The following CFAP43 variants were observed in gnomAD, a reference collection of about 807,000 sequenced individuals.
CFAP43 encodes the protein cilia- and flagella-associated protein 43.
In CFAP43, 155 loss-of-function variants were observed where a neutral mutation model predicts 218.9. The observed-to-expected ratio is 0.71, with a 90% CI of 0.62 to 0.81. The LOEUF (loss-of-function observed/expected upper bound fraction) is 0.81. Ranked by LOEUF, CFAP43 falls within the 30% of genes least tolerant of loss-of-function variation. The pLI, the probability that CFAP43 is intolerant of heterozygous loss-of-function variation, is 0.00. For missense variants in CFAP43, 1,778 were observed against 1,954.3 expected, an observed-to-expected ratio of 0.91 and a Z score of 1.70; for synonymous variants, 645 against 681.3, an observed-to-expected ratio of 0.95 and a Z score of 0.83.
intron 29 of CFAP43, 136 bp downstream of exon 29, chr10:104,147,755 G>A (rs971986842): frequency 2.1e-6 from 1 of 466,166 alleles, no homozygotes; most frequent in African/African-American, 2.0e-5. Flanking sequence ...TTCCAGACAG[G>A]GAGCCAAGGG....
chr10:104,180,859 G>A (rs2089815324), intron 17 of CFAP43, among the ~76,000 whole-genome samples: 1 of 152,010 alleles, frequency 6.6e-6, no homozygotes, highest in Non-Finnish European at 1.5e-5. Flanking sequence ...CCTCCTCAGG[G>A]TCCTCTGCAT....
At position 104,186,085 on chromosome 10, in the gene CFAP43, T is replaced by A. The variant is rs775584181; in HGVS notation, c.1899A>T (p.Lys633Asn). Residue 633 changes from lysine to asparagine, a missense_variant, in exon 15 of 38, where the codon AAA becomes AAT. Transcript: ENST00000357060. Reference protein sequence around the residue: ...TGIYILKPYKKVQSRQYGPGL... With the variant: ...TGIYILKPYKNVQSRQYGPGL... Reference sequence around the variant, plus strand: ...CAGGTCCATACTGTCTGCTTTGTACTTTTTTGTATGGTTTAAGAATGTAGA... The same window carrying A: ...CAGGTCCATACTGTCTGCTTTGTACATTTTTGTATGGTTTAAGAATGTAGA... The A allele has an allele frequency of 7.0e-6, 11 of 1,567,216 alleles. No individual in the cohort carries two copies. The highest frequency in any genetic ancestry group is 9.5e-6 in the Non-Finnish European group (11 of 1,163,240).
chr10:104,133,828 T>C (rs1413821258), intron 34 of CFAP43, 44 bp from the exon 35 acceptor site: 4 of 1,477,438 alleles, frequency 2.7e-6, no homozygotes, highest in Non-Finnish European at 3.7e-6. Flanking sequence ...TGATTCTGCA[T>C]ATAGAACATA....
chr10:104,167,703 G>A lies in CFAP43; in HGVS notation c.2726C>T (p.Pro909Leu), dbSNP rs143784992. ...FHIPCVVENFPMKARTVEELK... is the reference protein window; with the variant it reads ...FHIPCVVENFLMKARTVEELK... Reference sequence around the variant, plus strand: ...CTCTTCAACCGTGCGCGCTTTCATCGGGAAGTTTTCAACCACACAGGGGAT... The same window carrying A: ...CTCTTCAACCGTGCGCGCTTTCATCAGGAAGTTTTCAACCACACAGGGGAT... Residue 909 changes from proline (P) to leucine (L), a missense_variant, in exon 22 of 38, where the codon CCG becomes CTG. By Grantham distance (98) the Pro-to-Leu change is moderately conservative (BLOSUM62 -3). Around this residue, in one of 3 missense-constraint regions of CFAP43, gnomAD observed 1,553 missense variants for 1,685.2 expected, o/e 0.92. Coordinates refer to ENST00000357060, the MANE Select transcript of CFAP43 (RefSeq NM_025145.7). 2.0e-4 allele frequency: 327 copies of A among 1,609,908 alleles called. 4 individuals carry two copies. The South Asian group carries it at 3.0e-3, about 15-fold the overall frequency.
chr10:104,225,294 A>G (rs1203298537), intron 3 of CFAP43, among the ~76,000 whole-genome samples, 167 bp downstream of exon 3: 1 of 152,230 alleles, frequency 6.6e-6, no homozygotes. Context: ...TGACTGCCAA[A>G]TTTTATGCCT....
chr10:104,180,445 CTTTTTTTTT>C (rs34452460), intron 17 of CFAP43, among the ~76,000 whole-genome samples: 1 of 124,652 alleles, frequency 8.0e-6, no homozygotes, highest in African/African-American at 3.2e-5. Flanking sequence ...CACCCTATTT[CTTTTTTTTT>C]TTTTTTTTTG....
intron 12 of CFAP43, 56 bp downstream of exon 12, chr10:104,192,143 C>T: frequency 7.4e-7 from 1 of 1,342,884 alleles, no homozygotes; most frequent in Non-Finnish European, 1.0e-6. Flanking sequence ...ATTTTCATAA[C>T]CTTAAATTCT....
At chr10:104,143,771 G>A (rs1384828672) in intron 31 of CFAP43, 132 bp from the exon 32 acceptor site, 2 of 858,996 alleles carry the variant, frequency 2.3e-6, no homozygotes, top group Non-Finnish European at 3.6e-6. Context: ...GCTGGTAGGT[G>A]GGTTATTCCA....
chr10:104,207,163 ACT>A (rs1278009685), intron 6 of CFAP43, among the ~76,000 whole-genome samples: 1 of 145,528 alleles, frequency 6.9e-6, no homozygotes, highest in Admixed American at 7.0e-5. Flanking sequence ...ACAGAATGAG[ACT>A]CTGTCTAAAA....
At position 104,142,338 on chromosome 10, in the gene CFAP43, A is replaced by G. The variant is rs1443252683; in HGVS notation, c.4214T>C (p.Val1405Ala). ...CTGTTGCACCTTCTCTTCCTCCTCA[A>G]CTCTCTTCTGGAGGAAAGTTGCCAT... ...LEMATFLQKRVEEEEKVQQEI... is the reference protein window; with the variant it reads ...LEMATFLQKRAEEEEKVQQEI... The change falls in exon 33 of 38, where the codon GTT (valine) becomes GCT (alanine). Residue 1405 changes from valine to alanine, a missense_variant. Val to Ala is a moderately conservative substitution (Grantham distance 64, BLOSUM62 0). Coordinates refer to ENST00000357060, the MANE Select transcript of CFAP43 (RefSeq NM_025145.7). 10 of 1,613,088 alleles carry G rather than the reference A, an allele frequency of 6.2e-6. No homozygotes were observed. Among genetic ancestry groups the G allele is most frequent in the Non-Finnish European group, 8.5e-6 (10 of 1,179,590 alleles).
In CFAP43 at chr10:104,214,427, CT is replaced by C; in HGVS notation, c.417-2del. The C allele has an allele frequency of 6.4e-7, 1 of 1,561,334 alleles. No individual in the cohort carries two copies. Among genetic ancestry groups the C allele is most frequent in the Non-Finnish European group, 8.7e-7 (1 of 1,150,844 alleles). The stretch of plus-strand genomic sequence containing the variant: ...CAAAATGATACTCGATTCCCAGTTC[CT>C]TAGAGAAAAATAGCATTTGATGAAA... On this transcript the variant is annotated splice_acceptor_variant, in intron 3 of 37. Transcript: ENST00000357060. LOFTEE classifies it high-confidence loss of function.
chr10:104,164,294 T>C lies in CFAP43; in HGVS notation c.3046A>G (p.Ile1016Val). ...TTGAAAACAGTTTTTACCTTGTAAA[T>C]GATATCCTGAAATATTAACATGTTA... The part of the protein sequence containing the change: ...INQIILLKDI[I>V]YKVKTVFNNE... Residue 1016 changes from isoleucine to valine, a missense_variant, in exon 24 of 38, where the codon ATT becomes GTT. Physicochemically the swap from Ile to Val is conservative, Grantham distance 29. Coordinates refer to ENST00000357060, the MANE Select transcript of CFAP43 (RefSeq NM_025145.7). The C allele has an allele frequency of 7.6e-6, 12 of 1,585,304 alleles. No individual in the cohort carries two copies. Among genetic ancestry groups the C allele is most frequent in the Non-Finnish European group, 1.0e-5 (12 of 1,160,578 alleles).
chr10:104,185,440 A>G (rs1392455672), intron 15 of CFAP43, among the ~76,000 whole-genome samples: 1 of 152,136 alleles, frequency 6.6e-6, no homozygotes, highest in African/African-American at 2.4e-5. Flanking sequence ...AATGGATTGC[A>G]GAAGTCTATA....
chr10:104,146,046 A>G (rs934119063), intron 30 of CFAP43, among the ~76,000 whole-genome samples: 9 of 152,224 alleles, frequency 5.9e-5, no homozygotes, highest in African/African-American at 1.9e-4. Context: ...TGTATTTTGT[A>G]TAACAGAAAG....
chr10:104,191,796 G>C (rs1033167975), intron 12 of CFAP43, among the ~76,000 whole-genome samples: 14 of 147,574 alleles, frequency 9.5e-5, no homozygotes, highest in South Asian at 2.2e-4. Context: ...GTGTGGGGGG[G>C]GGGAAACACA....
chr10:104,217,040 T>C (rs954740744), intron 3 of CFAP43, among the ~76,000 whole-genome samples: 1 of 152,238 alleles, frequency 6.6e-6, no homozygotes, highest in Non-Finnish European at 1.5e-5. Flanking sequence ...TGGCTATCCA[T>C]TGACTTAATT....
chr10:104,145,465 G>A lies in CFAP43; in HGVS notation c.3944+11C>T, dbSNP rs773846376. 8.9e-6 allele frequency: 14 copies of A among 1,574,022 alleles called. No individual in the cohort carries two copies. Among genetic ancestry groups the A allele is most frequent in the Non-Finnish European group, 1.2e-5 (14 of 1,150,600 alleles). ...TTTTCTCAGAAACACAATAGTGAAG[G>A]AGAAACAAACCTTGGTCGGCGTTTA... On this transcript the variant is annotated intron_variant, in intron 31 of 37. Transcript: ENST00000357060.
At chr10:104,226,660 T>A (rs2135012355) in intron 2 of CFAP43, among the ~76,000 whole-genome samples, 1 of 152,192 alleles carries the variant, frequency 6.6e-6, no homozygotes, top group South Asian at 2.1e-4. Context: ...CTTGAAAAAA[T>A]ACATACATAT....
At position 104,129,978 on chromosome 10, in the gene CFAP43, A is replaced by G. The variant is rs375946042; in HGVS notation, c.*161T>C. On this transcript the variant is annotated 3_prime_UTR_variant, in exon 38 of 38. Coordinates refer to ENST00000357060, the MANE Select transcript of CFAP43 (RefSeq NM_025145.7). Reference sequence around the variant, plus strand: ...TTATTCATGCAGGACAAAAATTTGTATACAATTAAGGCTAAAATTAAACAA... The same window carrying G: ...TTATTCATGCAGGACAAAAATTTGTGTACAATTAAGGCTAAAATTAAACAA... The G allele has an allele frequency of 2.8e-5, 22 of 793,432 alleles. No homozygotes were observed. The highest frequency in any genetic ancestry group is 2.0e-4 in the South Asian group (8 of 39,694). 49.1% of individuals were successfully genotyped at this position (793,432 alleles called of 1,614,324 possible).
Sources: allele counts gnomAD v4.1 joint callset (sites outside exome capture counted in the v4.1 genomes callset), GRCh38; gene constraint gnomAD v4.1.1; regional missense constraint gnomAD v4.1.1; transcripts MANE v1.5; gene names NCBI Gene and HGNC (gene_info 2026-07-23, HGNC 2026-07-21).